The following SLC39A11 variants were observed in gnomAD, a reference collection of about 807,000 sequenced individuals.
SLC39A11 encodes the protein solute carrier family 39 member 11.
SLC39A11 carries 33 observed loss-of-function variants against 36.1 expected under a neutral mutation model. That is an observed-to-expected ratio of 0.91 (90% CI 0.69 to 1.22). SLC39A11 has a LOEUF of 1.22. SLC39A11 is among the 50% of genes most tolerant of loss of function. SLC39A11 has a pLI of 0.00. For synonymous variants in SLC39A11, 166 were observed against 170.3 expected, an observed-to-expected ratio of 0.97 and a Z score of 0.20; for missense variants, 432 against 430.3, an observed-to-expected ratio of 1.00 and a Z score of -0.03.
At chr17:72,846,880 G>T (rs1359154182) in intron 6 of SLC39A11, among the ~76,000 whole-genome samples, 2 of 152,204 alleles carry the variant, frequency 1.3e-5, no homozygotes, top group African/African-American at 4.8e-5. Flanking sequence ...TGAAAAACAA[G>T]TAACCTCTCT....
chr17:72,775,409 G>A (rs890241051), intron 6 of SLC39A11, among the ~76,000 whole-genome samples: 3 of 152,168 alleles, frequency 2.0e-5, no homozygotes, highest in African/African-American at 4.8e-5. Context: ...CAAGTAGGGC[G>A]GGTTGATTCT....
At chr17:73,057,989 T>C (rs988521791) in intron 3 of SLC39A11, among the ~76,000 whole-genome samples, 2 of 150,896 alleles carry the variant, frequency 1.3e-5, no homozygotes, top group South Asian at 2.1e-4. Context: ...TTAGTTATTT[T>C]AGTTATTTCG....
rs186444902 is a variant in SLC39A11, at chr17:72,881,247, G to A, written c.431-31443C>T. Among the ~76,000 whole-genome samples, 679 of 152,176 alleles carry A rather than the reference G, an allele frequency of 4.5e-3. 5 individuals are homozygous for A. Among genetic ancestry groups the A allele is most frequent in the African/African-American group, 0.016 (646 of 41,520 alleles). ...CTTTATTTGTAATAGCCTCAAACTG[G>A]AAACAGCCAAAATGTCTGTTCTGCA... On this transcript the variant is annotated intron_variant, in intron 5 of 9. Coordinates refer to ENST00000255559, the MANE Select transcript of SLC39A11 (RefSeq NM_139177.4).
chr17:72,744,560 G>A (rs1209736913), intron 6 of SLC39A11, among the ~76,000 whole-genome samples: 3 of 152,202 alleles, frequency 2.0e-5, no homozygotes, highest in Non-Finnish European at 2.9e-5. Flanking sequence ...AGGGCATGGG[G>A]TGGAGTTTGC....
chr17:72,765,690 G>A (rs1348794708), intron 6 of SLC39A11, among the ~76,000 whole-genome samples: 1 of 152,114 alleles, frequency 6.6e-6, no homozygotes. Context: ...ATATTCCCTC[G>A]CAGCCACAAC....
chr17:72,788,701 G>T (rs986385179), intron 6 of SLC39A11, among the ~76,000 whole-genome samples: 35 of 152,250 alleles, frequency 2.3e-4, no homozygotes, highest in African/African-American at 8.2e-4. Flanking sequence ...GAGATGACAT[G>T]AGCCAATGGT....
intron 5 of SLC39A11, among the ~76,000 whole-genome samples, chr17:72,912,321 A>T (rs67150774): frequency 2.0e-5 from 3 of 151,506 alleles, no homozygotes; most frequent in Admixed American, 2.0e-4. Flanking sequence ...AGGCATTACA[A>T]CAGAAGCCAC....
chr17:72,809,199 T>TTCTCTTTC (rs964473693), intron 6 of SLC39A11, among the ~76,000 whole-genome samples: 6 of 102,202 alleles, frequency 5.9e-5, no homozygotes, highest in African/African-American at 1.6e-4. Context: ...TTTCTTTTCT[T>TTCTCTTTC]TCTCTCTCTC....
chr17:73,056,600 G>A (rs754676577), intron 3 of SLC39A11, among the ~76,000 whole-genome samples: 2 of 152,204 alleles, frequency 1.3e-5, no homozygotes, highest in African/African-American at 2.4e-5. Flanking sequence ...AAAAGTCAAA[G>A]TCATGACAAA....
chr17:72,854,080 T>C (rs750804264), intron 5 of SLC39A11, among the ~76,000 whole-genome samples: 4 of 152,098 alleles, frequency 2.6e-5, no homozygotes, highest in Non-Finnish European at 4.4e-5. Flanking sequence ...GAGACACTGG[T>C]TAATAGGTAA....
intron 6 of SLC39A11, among the ~76,000 whole-genome samples, chr17:72,793,550 G>T (rs2076787631): frequency 6.6e-6 from 1 of 152,016 alleles, no homozygotes; most frequent in Admixed American, 6.6e-5. Flanking sequence ...AAGGACTAAG[G>T]GTACCAGATT....
At chr17:73,070,080 A>G (rs1404717087) in intron 3 of SLC39A11, among the ~76,000 whole-genome samples, 1 of 152,182 alleles carries the variant, frequency 6.6e-6, no homozygotes, top group Non-Finnish European at 1.5e-5. Flanking sequence ...ATGTGATCCA[A>G]CAGGCACTGT....
intron 6 of SLC39A11, among the ~76,000 whole-genome samples, chr17:72,784,110 C>T (rs1248690968): frequency 2.0e-5 from 3 of 151,994 alleles, no homozygotes; most frequent in Non-Finnish European, 2.9e-5. Flanking sequence ...TTTGGGAGGC[C>T]GAGACAGGAA....
Position 73,051,632 on chromosome 17 carries a change from C to T in SLC39A11, c.148-19918G>A, listed in dbSNP as rs371607814. Among the ~76,000 whole-genome samples the T allele has an allele frequency of 7.3e-5, 11 of 149,866 alleles. 1 individual carries two copies. The South Asian group carries it at 2.1e-3, about 29-fold the overall frequency. On this transcript the variant is annotated intron_variant, in intron 3 of 9. Coordinates refer to ENST00000255559, the MANE Select transcript of SLC39A11 (RefSeq NM_139177.4). ...CGGCACTTTGGGAGGCCGAGGCGGGCGGATCACCTGAGGTCAGGAGTTCGA... is the reference window on the plus strand; with the variant it reads ...CGGCACTTTGGGAGGCCGAGGCGGGTGGATCACCTGAGGTCAGGAGTTCGA...
chr17:72,938,259 A>G (rs2084892729), intron 5 of SLC39A11, among the ~76,000 whole-genome samples: 1 of 152,178 alleles, frequency 6.6e-6, no homozygotes. Context: ...GGTCGAGTGG[A>G]GCATATCCCT....
intron 4 of SLC39A11, among the ~76,000 whole-genome samples, chr17:72,972,619 G>A (rs138701682): frequency 1.1e-4 from 16 of 151,904 alleles, no homozygotes; most frequent in Non-Finnish European, 1.5e-4. Context: ...ACAACCCTCC[G>A]AGAAGCTTAC....
intron 4 of SLC39A11, among the ~76,000 whole-genome samples, chr17:72,988,948 C>T (rs2088964105): frequency 2.6e-5 from 4 of 152,108 alleles, no homozygotes; most frequent in Admixed American, 2.6e-4. Context: ...TGGTGGCTCA[C>T]GCCTGTCATC....
intron 4 of SLC39A11, among the ~76,000 whole-genome samples, chr17:73,011,295 G>A (rs1007980358): frequency 2.6e-5 from 4 of 152,204 alleles, no homozygotes; most frequent in Admixed American, 2.6e-4. Context: ...GAAGGAAACC[G>A]GAAGGATGGC....
chr17:72,979,593 A>T lies in SLC39A11; in HGVS notation c.307-31718T>A, dbSNP rs373911427. Among the ~76,000 whole-genome samples the T allele has an allele frequency of 4.1e-4, 63 of 152,266 alleles. 2 individuals are homozygous for T. In the South Asian group the frequency reaches 0.012, roughly 29 times the overall value. ...CAACTTGAGAATTTCTAGAAAAGGG[A>T]AAATTTGGGTCCTGATGTGTGAAGC... On this transcript the variant is annotated intron_variant, in intron 4 of 9. Transcript: ENST00000255559.
Sources: gnomAD v4.1 joint callset for allele counts (sites outside exome capture counted in the v4.1 genomes callset) on GRCh38, gnomAD v4.1.1 for gene constraint, MANE v1.5 for transcripts, NCBI Gene and HGNC (gene_info 2026-07-23, HGNC 2026-07-21) for gene names.